The following BRI3 variants were observed in gnomAD, a reference collection of about 807,000 sequenced individuals.
BRI3 encodes the protein membrane protein BRI3.
In BRI3, 6 loss-of-function variants were observed where a neutral mutation model predicts 12.8. The observed-to-expected ratio is 0.47, with a 90% CI of 0.26 to 0.93. The LOEUF (loss-of-function observed/expected upper bound fraction) is 0.93, where lower values mean the gene tolerates loss of function less well. Among genes scored for constraint, BRI3 ranks in the 40% least tolerant of loss-of-function variants. BRI3 has a pLI of 0.15. For synonymous variants in BRI3, 91 were observed against 76.1 expected (o/e 1.20, Z -1.02); for missense variants, 134 against 171.1 (o/e 0.78, Z 1.21).
chr7:98,288,389 C>T (rs1312749838), intron 2 of BRI3, among the ~76,000 whole-genome samples: 6 of 152,132 alleles, frequency 3.9e-5, no homozygotes, highest in South Asian at 4.2e-4. Context: ...CAGGGCTGGG[C>T]GGAGGTGTCC....
chr7:98,316,365 C>G, the BRI3 span, among the ~76,000 whole-genome samples: 3 of 152,136 alleles, frequency 2.0e-5, no homozygotes, highest in African/African-American at 4.8e-5. Context: ...CCTCATTTTC[C>G]CCATCTGTAC....
At chr7:98,320,641 A>G in the BRI3 span, among the ~76,000 whole-genome samples, 2 of 151,856 alleles carry the variant, frequency 1.3e-5, no homozygotes, top group East Asian at 1.9e-4. Flanking sequence ...GGCCCATTGC[A>G]CAGTTTTGTA....
the BRI3 span, among the ~76,000 whole-genome samples, chr7:98,322,219 T>C: frequency 6.6e-6 from 1 of 152,134 alleles, no homozygotes; most frequent in Non-Finnish European, 1.5e-5. Flanking sequence ...GCCTCGGCTA[T>C]GATCACCATA....
chr7:98,315,363 T>G (rs1056007062), downstream of BRI3: 9 of 1,195,638 alleles, frequency 7.5e-6, no homozygotes, highest in Non-Finnish European at 9.7e-6. Flanking sequence ...CCCAAAGTGC[T>G]GGGATTACAG....
chr7:98,317,060 C>A, the BRI3 span, among the ~76,000 whole-genome samples: 153 of 152,230 alleles, frequency 1.0e-3, no homozygotes, highest in African/African-American at 3.3e-3. Flanking sequence ...ACCACATTGG[C>A]CAGGCTGGTC....
downstream of BRI3, among the ~76,000 whole-genome samples, chr7:98,311,829 C>T (rs1459398478): frequency 2.0e-5 from 3 of 152,038 alleles, no homozygotes; most frequent in Non-Finnish European, 4.4e-5. Flanking sequence ...TCACTTGAAC[C>T]CGGGAGGTGG....
rs1584434931 is a variant in BRI3, at chr7:98,307,758, T to A, written n.388T>A. ...CTCGGGGATGAGCAGCGTGATGACA[T>A]CTCCCTGTGCAAAGCTGAGTAAGGT... is the stretch of plus-strand genomic sequence containing the variant. On this transcript the variant is annotated non_coding_transcript_exon_variant, in exon 2 of 2. Transcript: ENST00000485422. 3.7e-6 allele frequency: 6 copies of A among 1,614,182 alleles called. No individual in the cohort carries two copies. In the East Asian group the frequency reaches 1.3e-4, roughly 36 times the overall value.
downstream of BRI3, chr7:98,293,461 T>C (rs12873): frequency 0.44 from 652,799 of 1,479,458 alleles, 151,916 homozygotes; most frequent in Middle Eastern, 0.51. Context: ...GCAGACAGGA[T>C]GCGCCCATCA....
chr7:98,318,449 C>T, the BRI3 span, among the ~76,000 whole-genome samples: 4 of 151,792 alleles, frequency 2.6e-5, no homozygotes, highest in African/African-American at 4.8e-5. Context: ...CAACCACGCC[C>T]GGCTGTATTT....
chr7:98,307,845 A>T lies in BRI3; in HGVS notation n.475A>T, dbSNP rs1448332935. 1.9e-6 allele frequency: 3 copies of T among 1,614,228 alleles called. No individual in the cohort carries two copies. In the South Asian group the frequency reaches 3.3e-5, roughly 18 times the overall value. Reference sequence around the variant, plus strand: ...CACTTTCTGCTTCTTCATCATGTTCAGTCCCGTTGCAACCGAAACTGATCG... The same window carrying T: ...CACTTTCTGCTTCTTCATCATGTTCTGTCCCGTTGCAACCGAAACTGATCG... On this transcript the variant is annotated non_coding_transcript_exon_variant, in exon 2 of 2. Transcript: ENST00000485422.
intron 1 of BRI3, among the ~76,000 whole-genome samples, chr7:98,300,647 T>C (rs1427868903): frequency 1.3e-5 from 2 of 152,084 alleles, no homozygotes; most frequent in Non-Finnish European, 1.5e-5. Context: ...GCTATCCCTC[T>C]ACCTCCCCAG....
chr7:98,293,213 T>C (rs1287848232), downstream of BRI3: 24 of 313,742 alleles, frequency 7.6e-5, no homozygotes, highest in Non-Finnish European at 1.3e-4. Flanking sequence ...CTGGCTGTTA[T>C]TAAGGAAAAA....
chr7:98,308,157 CAAGGACAAG>C (rs1800733801), exon 2 of BRI3: 1 of 614,654 alleles, frequency 1.6e-6, no homozygotes, highest in Non-Finnish European at 3.0e-6. Flanking sequence ...TTTCCAGGCC[CAAGGACAAG>C]GCGGTGTGTG....
At chr7:98,322,383 T>C in the BRI3 span, among the ~76,000 whole-genome samples, 4 of 152,088 alleles carry the variant, frequency 2.6e-5, no homozygotes, top group Admixed American at 2.0e-4. Context: ...CCTCGACATG[T>C]CTCAAAGTGA....
At chr7:98,310,518 G>T (rs1485018811), downstream of BRI3, 2 of 1,605,350 alleles carry the variant, frequency 1.2e-6, no homozygotes, top group Non-Finnish European at 8.5e-7. Context: ...TCAAGGGACT[G>T]GTATATGCTC....
chr7:98,320,232 C>T, the BRI3 span: 10 of 1,605,708 alleles, frequency 6.2e-6, no homozygotes, highest in African/African-American at 1.3e-5. Flanking sequence ...ACACAGATCA[C>T]GTACATTTTC....
chr7:98,304,098 G>C, upstream of BRI3: 1 of 1,292,198 alleles, frequency 7.7e-7, no homozygotes, highest in Non-Finnish European at 1.0e-6. Context: ...TCTCCCCCTG[G>C]GGACAGAGCA....
chr7:98,308,668 ATAT>A (rs1562968015), exon 2 of BRI3: 7 of 230,900 alleles, frequency 3.0e-5, no homozygotes, highest in Non-Finnish European at 6.1e-5. Context: ...GTAGAAAAAA[ATAT>A]ATATATATGT....
upstream of BRI3, among the ~76,000 whole-genome samples, chr7:98,303,409 C>A (rs147246805): frequency 3.3e-5 from 5 of 152,348 alleles, no homozygotes; most frequent in East Asian, 9.7e-4. Flanking sequence ...CACACCAGGG[C>A]GCACTAACCT....
Sources: allele counts gnomAD v4.1 joint callset (sites outside exome capture counted in the v4.1 genomes callset), GRCh38; gene constraint gnomAD v4.1.1; transcripts MANE v1.5; gene names NCBI Gene and HGNC (gene_info 2026-07-23, HGNC 2026-07-21).